The following WWOX variants were observed in gnomAD, a reference collection of about 807,000 sequenced individuals.
WWOX encodes WW domain-containing oxidoreductase.
In WWOX, 69 loss-of-function variants were observed where a neutral mutation model predicts 46.2. The ratio of observed to expected loss-of-function variants is 1.49; its 90% CI spans 1.23 to 1.82. The LOEUF is 1.82. Among genes scored for constraint, WWOX ranks in the 40% most tolerant of loss-of-function variants. The pLI is 0.00. For synonymous variants in WWOX, 359 were observed against 202.6 expected (o/e 1.77, Z -6.56); for missense variants, 919 against 542.6 (o/e 1.69, Z -6.89).
intron 4 of WWOX, among the ~76,000 whole-genome samples, chr16:78,129,709 C>CTT (rs930761409): frequency 7.0e-6 from 1 of 143,226 alleles, no homozygotes. Flanking sequence ...GATTTTTTTT[C>CTT]TTTTTTTTTT....
chr16:78,421,658 G>A (rs1040472646), intron 6 of WWOX, among the ~76,000 whole-genome samples: 3 of 152,142 alleles, frequency 2.0e-5, no homozygotes, highest in Non-Finnish European at 2.9e-5. Context: ...AGGATGGGAG[G>A]TTGCTATGGG....
intron 8 of WWOX, among the ~76,000 whole-genome samples, chr16:78,705,448 T>A (rs755107668): frequency 5.3e-5 from 8 of 152,160 alleles, no homozygotes; most frequent in Non-Finnish European, 1.2e-4. Context: ...TGTTCCCAAG[T>A]GGAGGCTCCT....
At chr16:78,749,306 A>G (rs1315248645) in intron 8 of WWOX, among the ~76,000 whole-genome samples, 1 of 152,194 alleles carries the variant, frequency 6.6e-6, no homozygotes, top group African/African-American at 2.4e-5. Context: ...TTCCCTACAG[A>G]GAGGAAAGGG....
Position 78,336,442 on chromosome 16 carries a change from G to A in WWOX, c.517-50418G>A, listed in dbSNP as rs367578045. On this transcript the variant is annotated intron_variant, in intron 5 of 8. Transcript: ENST00000566780. ...AATCTCTTGAATCCAGGAGGTGAAC[G>A]TTGCAGTGAGCCAAGATCTCACCAC... Among the ~76,000 whole-genome samples, 14 of 143,530 alleles carry A rather than the reference G, an allele frequency of 9.8e-5. 1 individual carries two copies. Among genetic ancestry groups the A allele is most frequent in the East Asian group, 2.1e-4 (1 of 4,694 alleles). The allele number at this position is 143,530 out of a possible 152,430, so 94.2% of individuals were successfully genotyped here.
chr16:79,062,649 C>T (rs1418831529), intron 8 of WWOX, among the ~76,000 whole-genome samples: 3 of 152,046 alleles, frequency 2.0e-5, no homozygotes, highest in Non-Finnish European at 4.4e-5. Context: ...GGCTTTTCTG[C>T]AAACCTGAAA....
intron 8 of WWOX, among the ~76,000 whole-genome samples, chr16:79,155,373 TCAA>T (rs1193197687): frequency 6.6e-6 from 1 of 151,520 alleles, no homozygotes; most frequent in Non-Finnish European, 1.5e-5. Context: ...AGACTCTGTT[TCAA>T]CAACAACAAC....
At chr16:78,689,704 G>A (rs370427264) in intron 8 of WWOX, among the ~76,000 whole-genome samples, 1 of 152,084 alleles carries the variant, frequency 6.6e-6, no homozygotes, top group Admixed American at 6.5e-5. Context: ...CTGCTACTCT[G>A]TTCCTTGACT....
chr16:78,828,058 G>A (rs1325628831), intron 8 of WWOX, among the ~76,000 whole-genome samples: 1 of 152,164 alleles, frequency 6.6e-6, no homozygotes, highest in Admixed American at 6.5e-5. Context: ...TGGCAACTGG[G>A]AGCCCTGGTG....
At chr16:78,936,754 A>G (rs1236469534) in intron 8 of WWOX, among the ~76,000 whole-genome samples, 2 of 151,062 alleles carry the variant, frequency 1.3e-5, no homozygotes, top group African/African-American at 2.5e-5. Flanking sequence ...TGGATCAACT[A>G]TGAGTTAAGT....
chr16:79,022,758 C>G (rs1269635819), intron 8 of WWOX, among the ~76,000 whole-genome samples: 2 of 152,200 alleles, frequency 1.3e-5, no homozygotes, highest in African/African-American at 2.4e-5. Context: ...AAGCCCGGAA[C>G]TGAGGTGGCA....
rs190891489 is a variant in WWOX, at chr16:79,098,374, T to C, written c.1057-113234T>C. ...CAGTGGGTGGTATTTTCTCCTAGAGTGCATTTCTGCTTCTTAACCAGCAGA... is the reference window on the plus strand; with the variant it reads ...CAGTGGGTGGTATTTTCTCCTAGAGCGCATTTCTGCTTCTTAACCAGCAGA... On this transcript the variant is annotated intron_variant, in intron 8 of 8. Coordinates refer to ENST00000566780, the MANE Select transcript of WWOX (RefSeq NM_016373.4). Among the ~76,000 whole-genome samples, 376 of 152,284 alleles carry C rather than the reference T, an allele frequency of 2.5e-3. 4 individuals carry two copies. The highest frequency in any genetic ancestry group is 0.024 in the South Asian group (117 of 4,830).
intron 8 of WWOX, among the ~76,000 whole-genome samples, chr16:78,641,999 GA>G (rs1456964744): frequency 1.3e-5 from 2 of 152,150 alleles, no homozygotes; most frequent in African/African-American, 4.8e-5. Context: ...AAAATGCAAA[GA>G]GGGGGAAAAA....
intron 8 of WWOX, among the ~76,000 whole-genome samples, chr16:79,135,318 C>A (rs990209178): frequency 4.6e-5 from 7 of 152,088 alleles, no homozygotes; most frequent in Non-Finnish European, 1.0e-4. Flanking sequence ...TTGTTCTATA[C>A]CTTTCCTTTT....
At chr16:78,691,655 C>G (rs1393957191) in intron 8 of WWOX, among the ~76,000 whole-genome samples, 2 of 152,142 alleles carry the variant, frequency 1.3e-5, no homozygotes, top group Non-Finnish European at 1.5e-5. Context: ...GTGCAGTGAG[C>G]CGTGTTGCTG....
chr16:78,670,309 C>T (rs1284047804), intron 8 of WWOX, among the ~76,000 whole-genome samples: 1 of 152,158 alleles, frequency 6.6e-6, no homozygotes, highest in Admixed American at 6.5e-5. Context: ...TTTTCCGACC[C>T]TCCCGTGATT....
rs2044876785 is a variant in WWOX at position 78,903,349 on chromosome 16, A to T, written c.1057-308259A>T. ...AAGCAACCAATCAGAGGCTAAAGTG[A>T]AATTACAGAGTTGCTCTTTTATGCA... On this transcript the variant is annotated intron_variant, in intron 8 of 8. Transcript: ENST00000566780. Among the ~76,000 whole-genome samples the T allele has an allele frequency of 2.0e-5, 3 of 152,298 alleles. No individual in the cohort carries two copies. In the South Asian group the frequency reaches 6.2e-4, roughly 32 times the overall value.
At chr16:78,917,531 G>A (rs1200698220) in intron 8 of WWOX, among the ~76,000 whole-genome samples, 2 of 151,706 alleles carry the variant, frequency 1.3e-5, no homozygotes, top group Admixed American at 1.3e-4. Flanking sequence ...TCAACAAAAT[G>A]GTCTGTTGGA....
At chr16:78,389,447 C>T (rs561113092) in intron 6 of WWOX, among the ~76,000 whole-genome samples, 1 of 152,248 alleles carries the variant, frequency 6.6e-6, no homozygotes, top group Non-Finnish European at 1.5e-5. Context: ...TCCTCAAACT[C>T]ATCTGTCTGT....
chr16:78,294,023 A>G (rs910389639), intron 5 of WWOX, among the ~76,000 whole-genome samples: 2 of 149,570 alleles, frequency 1.3e-5, no homozygotes, highest in African/African-American at 4.9e-5. Flanking sequence ...CTTTCCTGAA[A>G]GGTGATTCAC....
Sources: gnomAD v4.1 joint callset for allele counts (sites outside exome capture counted in the v4.1 genomes callset) on GRCh38, gnomAD v4.1.1 for gene constraint, MANE v1.5 for transcripts, NCBI Gene and HGNC (gene_info 2026-07-23, HGNC 2026-07-21) for gene names.